MAGI1: variants seen among roughly 807,000 people sequenced by gnomAD.
MAGI1 encodes the protein membrane-associated guanylate kinase, WW and PDZ domain-containing protein 1.
Under a neutral mutation model 139.9 loss-of-function variants are expected in MAGI1, and 58 were observed. The ratio of observed to expected loss-of-function variants is 0.41; its 90% CI spans 0.34 to 0.52. The LOEUF is 0.52. Ranked by LOEUF, MAGI1 falls within the 20% of genes least tolerant of loss-of-function variation. The probability of loss-of-function intolerance (pLI) is 0.12; values close to 1 mark genes in which losing one functional copy is unlikely to be tolerated. For synonymous variants in MAGI1, 812 were observed against 737.9 expected, an observed-to-expected ratio of 1.10 and a Z score of -1.63; for missense variants, 1,874 against 1,901.6, an observed-to-expected ratio of 0.99 and a Z score of 0.27.
At chr3:65,471,681 C>G (rs1575890919) in intron 4 of MAGI1, among the ~76,000 whole-genome samples, 1 of 152,152 alleles carries the variant, frequency 6.6e-6, no homozygotes, top group East Asian at 1.9e-4. Context: ...AGGACGGGAC[C>G]TACTCCTGGC....
At chr3:65,580,480 A>G (rs929285025) in intron 2 of MAGI1, among the ~76,000 whole-genome samples, 3 of 152,206 alleles carry the variant, frequency 2.0e-5, no homozygotes. Flanking sequence ...TTCTTCCTGG[A>G]GTCAAACAAC....
chr3:65,694,115 G>T (rs1393585427), intron 1 of MAGI1, among the ~76,000 whole-genome samples: 1 of 152,142 alleles, frequency 6.6e-6, no homozygotes, highest in East Asian at 1.9e-4. Flanking sequence ...ATGAAAACTG[G>T]TGATGTAAAA....
intron 1 of MAGI1, among the ~76,000 whole-genome samples, chr3:65,631,164 G>C (rs1371139548): frequency 6.6e-6 from 1 of 152,186 alleles, no homozygotes; most frequent in Non-Finnish European, 1.5e-5. Flanking sequence ...GCAGAGAAGA[G>C]ATGTAATTTA....
chr3:65,787,448 G>A (rs2039474864), intron 1 of MAGI1, among the ~76,000 whole-genome samples: 1 of 151,498 alleles, frequency 6.6e-6, no homozygotes, highest in Non-Finnish European at 1.5e-5. Context: ...GTTCTAGGCA[G>A]CCCAGAAACT....
intron 2 of MAGI1, among the ~76,000 whole-genome samples, chr3:65,500,678 C>A (rs146017590): frequency 6.6e-6 from 1 of 152,320 alleles, no homozygotes; most frequent in South Asian, 2.1e-4. Flanking sequence ...ACCTTCCCAA[C>A]GCCATGCGGT....
At chr3:65,569,951 ATACT>A (rs1166022734) in intron 2 of MAGI1, among the ~76,000 whole-genome samples, 1 of 151,774 alleles carries the variant, frequency 6.6e-6, no homozygotes, top group Non-Finnish European at 1.5e-5. Flanking sequence ...TTTTACTGAA[ATACT>A]TAGATGGGAC....
chr3:65,623,996 A>G (rs1231718934), intron 1 of MAGI1, among the ~76,000 whole-genome samples: 2 of 152,210 alleles, frequency 1.3e-5, no homozygotes, highest in African/African-American at 4.8e-5. Flanking sequence ...ACAATGGAAT[A>G]TATGTGACTA....
At chr3:65,784,736 GA>G (rs57155277) in intron 1 of MAGI1, among the ~76,000 whole-genome samples, 142,446 of 150,996 alleles carry the variant, frequency 0.94, 67,229 homozygotes, top group East Asian at 1. Flanking sequence ...AAAAAGAAAA[GA>G]AAAAAAAAAA....
chr3:65,550,985 A>C (rs1447413227), intron 2 of MAGI1, among the ~76,000 whole-genome samples: 1 of 152,098 alleles, frequency 6.6e-6, no homozygotes, highest in Admixed American at 6.5e-5. Context: ...CGGAATTCCC[A>C]GTGATAGGTT....
chr3:65,495,283 A>C (rs1952343209), intron 2 of MAGI1, among the ~76,000 whole-genome samples: 1 of 152,086 alleles, frequency 6.6e-6, no homozygotes, highest in Admixed American at 6.5e-5. Flanking sequence ...CTAATCCATA[A>C]GTTTGTTGTG....
chr3:65,363,947 A>G (rs989004140), intron 20 of MAGI1, among the ~76,000 whole-genome samples: 6 of 152,122 alleles, frequency 3.9e-5, no homozygotes, highest in Non-Finnish European at 7.4e-5. Context: ...TGTCCAATAA[A>G]TGCTGGCTGT....
chr3:65,943,622 A>G (rs539992285), intron 1 of MAGI1, among the ~76,000 whole-genome samples: 7 of 151,942 alleles, frequency 4.6e-5, no homozygotes, highest in East Asian at 1.9e-4. Context: ...TATGTGATGC[A>G]CTAATTGTGT....
chr3:65,537,068 C>T (rs997994277), intron 2 of MAGI1, among the ~76,000 whole-genome samples: 3 of 152,186 alleles, frequency 2.0e-5, no homozygotes, highest in African/African-American at 7.2e-5. Flanking sequence ...GGGGATTGCA[C>T]AGGCTCATAA....
At chr3:65,678,304 A>G (rs2087329563) in intron 1 of MAGI1, among the ~76,000 whole-genome samples, 1 of 151,962 alleles carries the variant, frequency 6.6e-6, no homozygotes, top group Non-Finnish European at 1.5e-5. Context: ...CATGGATCCC[A>G]TAACTTAAAG....
rs199521489 is a variant in MAGI1 at position 65,574,508 on chromosome 3, CT to C, written c.430+47463del. Among the ~76,000 whole-genome samples, 1,105 of 150,560 alleles carry C rather than the reference CT, an allele frequency of 7.3e-3. 17 individuals carry two copies. The highest frequency in any genetic ancestry group is 0.026 in the African/African-American group (1,062 of 41,042). On this transcript the variant is annotated intron_variant, in intron 2 of 22. Transcript: ENST00000402939. Reference sequence around the variant, plus strand: ...AAATCTACCCTATTCATGGGCAATACTTTTAAAATGTCCATTCTCCACATAT... The same window carrying C: ...AAATCTACCCTATTCATGGGCAATACTTTAAAATGTCCATTCTCCACATAT...
At chr3:65,844,954 T>C (rs2058935029) in intron 1 of MAGI1, among the ~76,000 whole-genome samples, 1 of 152,138 alleles carries the variant, frequency 6.6e-6, no homozygotes. Flanking sequence ...CCTCTGCCCA[T>C]TGAAATCCTT....
chr3:66,029,789 C>A (rs1559510198), intron 1 of MAGI1, among the ~76,000 whole-genome samples: 1 of 152,166 alleles, frequency 6.6e-6, no homozygotes, highest in African/African-American at 2.4e-5. Flanking sequence ...GGGGAGCACA[C>A]AGGACTGAAA....
At chr3:65,926,360 T>TCTCTCTCTCTCC in intron 1 of MAGI1, among the ~76,000 whole-genome samples, 1 of 150,870 alleles carries the variant, frequency 6.6e-6, no homozygotes, top group Non-Finnish European at 1.5e-5. Context: ...TCTCTCTCTC[T>TCTCTCTCTCTCC]CTCTCTCTCC....
intron 1 of MAGI1, among the ~76,000 whole-genome samples, chr3:66,000,341 T>C (rs9833692): frequency 1.1e-3 from 160 of 152,216 alleles, no homozygotes; most frequent in African/African-American, 3.7e-3. Flanking sequence ...AGGCCTCCAA[T>C]TGGGCTCAAG....
Sources: allele counts gnomAD v4.1 joint callset (sites outside exome capture counted in the v4.1 genomes callset), GRCh38; gene constraint gnomAD v4.1.1; transcripts MANE v1.5; gene names NCBI Gene and HGNC (gene_info 2026-07-23, HGNC 2026-07-21).